The following KLHL23 variants were observed in gnomAD, a reference collection of about 807,000 sequenced individuals.
The protein encoded by KLHL23 is kelch-like protein 23.
Under a neutral mutation model 48.9 loss-of-function variants are expected in KLHL23, and 33 were observed. The ratio of observed to expected loss-of-function variants is 0.67; its 90% CI spans 0.51 to 0.90. The LOEUF (loss-of-function observed/expected upper bound fraction) is 0.90, where lower values mean the gene tolerates loss of function less well. Ranked by LOEUF, KLHL23 falls within the 40% of genes least tolerant of loss-of-function variation. The probability of loss-of-function intolerance (pLI) is 0.00; values close to 1 mark genes in which losing one functional copy is unlikely to be tolerated. For missense variants in KLHL23, 608 were observed against 669.6 expected, an observed-to-expected ratio of 0.91 and a Z score of 1.02; for synonymous variants, 234 against 231.6, an observed-to-expected ratio of 1.01 and a Z score of -0.09.
intron 3 of KLHL23, among the ~76,000 whole-genome samples, chr2:169,744,645 G>A (rs540466614): frequency 6.7e-5 from 10 of 149,178 alleles, no homozygotes; most frequent in African/African-American, 2.0e-4. Flanking sequence ...CGCAACATCC[G>A]CATCCCAGGT....
intron 2 of KLHL23, among the ~76,000 whole-genome samples, chr2:169,737,467 A>G (rs1233575697): frequency 1.3e-5 from 2 of 152,174 alleles, no homozygotes; most frequent in Non-Finnish European, 1.5e-5. Flanking sequence ...AGGGCTCTGA[A>G]TGTCCTGACC....
At chr2:169,737,603 ATTTCTT>A (rs199830677) in intron 2 of KLHL23, among the ~76,000 whole-genome samples, 4 of 149,888 alleles carry the variant, frequency 2.7e-5, no homozygotes, top group East Asian at 3.9e-4. Context: ...TTCAGAGTAT[ATTTCTT>A]TTTCTTTTTC....
intron 3 of KLHL23, among the ~76,000 whole-genome samples, chr2:169,742,949 C>T (rs1233529346): frequency 1.3e-5 from 2 of 152,144 alleles, no homozygotes; most frequent in Non-Finnish European, 2.9e-5. Context: ...AAAATAATTC[C>T]ATGAGCTAGG....
In KLHL23 at chr2:169,749,534, C is replaced by T. The variant is rs1160087997; in HGVS notation, c.1479C>T (p.Pro493=). 2 of 1,613,994 alleles carry T rather than the reference C, an allele frequency of 1.2e-6. No homozygotes were observed. The highest frequency in any genetic ancestry group is 8.5e-7 in the Non-Finnish European group (1 of 1,180,002). ...PEQNEWREIA[P]MMERRMECGA... is the part of the protein sequence containing the mutation. Reference sequence around the variant, plus strand: ...AAAATGAATGGAGAGAGATAGCTCCCATGATGGAAAGGAGGATGGAGTGCG... The same window carrying T: ...AAAATGAATGGAGAGAGATAGCTCCTATGATGGAAAGGAGGATGGAGTGCG... The change falls in exon 4 of 4, where the codon CCC becomes CCT. Residue 493 remains proline (P), a synonymous_variant. Coordinates refer to ENST00000392647, the MANE Select transcript of KLHL23 (RefSeq NM_144711.6).
intron 3 of KLHL23, 137 bp from the exon 4 acceptor site, chr2:169,749,285 G>A (rs1688881400): frequency 2.2e-6 from 2 of 914,500 alleles, no homozygotes; most frequent in South Asian, 3.8e-5. Flanking sequence ...GCAGTATTGT[G>A]TGCCTGAATC....
chr2:169,743,335 T>G (rs1319213072), intron 3 of KLHL23, among the ~76,000 whole-genome samples: 1 of 152,176 alleles, frequency 6.6e-6, no homozygotes, highest in Non-Finnish European at 1.5e-5. Context: ...CAGTGTCACT[T>G]TGGACTTAAT....
At chr2:169,743,938 A>G (rs1472880922) in intron 3 of KLHL23, among the ~76,000 whole-genome samples, 1 of 152,256 alleles carries the variant, frequency 6.6e-6, no homozygotes, top group Admixed American at 6.5e-5. Context: ...AGTTGACTTC[A>G]TAGAGATACA....
In KLHL23 at chr2:169,735,758, C is replaced by G. The variant is rs767778968; in HGVS notation, c.744C>G (p.Thr248=). Residue 248 remains threonine, a synonymous_variant, in exon 2 of 4, where the codon ACC becomes ACG. Transcript: ENST00000392647. This position sits in a 1 kb window ranked among gnomAD's most constrained non-coding sequence, Gnocchi z 4.5. ...ALGLQRSCLL[T]ENKIRSLIYN... is the part of the protein sequence containing the mutation. ...GCCTTCAAAGAAGCTGCCTGCTCAC[C>G]GAAAATAAGATCCGCTCCCTAATAT... 2.5e-6 allele frequency: 4 copies of G among 1,613,866 alleles called. No individual in the cohort carries two copies. Among genetic ancestry groups the G allele is most frequent in the East Asian group, 2.2e-5 (1 of 44,886 alleles).
chr2:169,750,185 C>T lies in KLHL23; in HGVS notation c.*453C>T, dbSNP rs569452419. On this transcript the variant is annotated 3_prime_UTR_variant, in exon 4 of 4. Transcript: ENST00000392647. ...ACAGTTGAATCAGTGGGATTAATAC[C>T]TATAATCTCTGGTTTTCAAAGGTAA... 1.3e-5 allele frequency: 2 copies of T among 151,922 alleles called. No individual in the cohort carries two copies. Among genetic ancestry groups the T allele is most frequent in the East Asian group, 3.9e-4 (2 of 5,106 alleles). 9.4% of individuals were successfully genotyped at this position (151,922 alleles called of 1,614,324 possible). A position where few individuals can be genotyped will look rare whatever the true frequency, so the allele number is the denominator to read the frequency against.
intron 3 of KLHL23, among the ~76,000 whole-genome samples, chr2:169,742,107 C>T (rs117981906): frequency 0.01 from 1,533 of 152,326 alleles, 29 homozygotes; most frequent in East Asian, 0.085. Context: ...TGTTCTTTGA[C>T]TTGTGTCTTT....
In KLHL23 at chr2:169,738,294, G is replaced by A. The variant is rs979739146; in HGVS notation, c.1213+2067G>A. Among the ~76,000 whole-genome samples the A allele has an allele frequency of 2.0e-4, 19 of 96,748 alleles. 2 individuals carry two copies. In the South Asian group the frequency reaches 4.2e-3, roughly 21 times the overall value. 63.5% of individuals were successfully genotyped at this position (96,748 alleles called of 152,430 possible). On this transcript the variant is annotated intron_variant, in intron 2 of 3. Coordinates refer to ENST00000392647, the MANE Select transcript of KLHL23 (RefSeq NM_144711.6). ...TTTAATTTTTAAAACTAGAAATGGC[G>A]GGGGGTCTCACTATGTTGCCCAGGC...
At chr2:169,747,464 C>CT (rs145417361) in intron 3 of KLHL23, among the ~76,000 whole-genome samples, 122 of 125,242 alleles carry the variant, frequency 9.7e-4, no homozygotes, top group African/African-American at 2.7e-3. Context: ...GAGGAAATCA[C>CT]TTTTTTTTTT....
In KLHL23 at chr2:169,740,766, T is replaced by TAATATATATATATATATATATATATATA. The variant is rs1553477017; in HGVS notation, c.1214-619_1214-618insAATATATATATATATATATATATATATA. ...CCCGGCCTCTATAAGCTTTTTTATA[T>TAATATATATATATATATATATATATATA]TATATATATATATATATATATATAT... is the stretch of plus-strand genomic sequence containing the variant. On this transcript the variant is annotated intron_variant, in intron 2 of 3. Coordinates refer to ENST00000392647, the MANE Select transcript of KLHL23 (RefSeq NM_144711.6). Among the ~76,000 whole-genome samples the TAATATATATATATATATATATATATATA allele has an allele frequency of 3.0e-3, 382 of 125,348 alleles. 9 individuals carry two copies. The highest frequency in any genetic ancestry group is 0.016 in the Middle Eastern group (4 of 256). The allele number at this position is 125,348 out of a possible 152,430, so 82.2% of individuals were successfully genotyped here.
intron 3 of KLHL23, among the ~76,000 whole-genome samples, chr2:169,744,301 T>C (rs1482240832): frequency 2.0e-5 from 3 of 152,206 alleles, no homozygotes; most frequent in Non-Finnish European, 2.9e-5. Flanking sequence ...AATCTGACTA[T>C]CTTAGAATGC....
At chr2:169,748,346 G>A (rs949130650) in intron 3 of KLHL23, among the ~76,000 whole-genome samples, 11 of 152,214 alleles carry the variant, frequency 7.2e-5, no homozygotes, top group African/African-American at 2.7e-4. Flanking sequence ...GAACAGCTCA[G>A]CGATAGTGCG....
Position 169,751,055 on chromosome 2 carries a change from A to G in KLHL23, c.*1323A>G, listed in dbSNP as rs980365613. 2.0e-5 allele frequency: 3 copies of G among 152,216 alleles called. No homozygotes were observed. The highest frequency in any genetic ancestry group is 1.3e-4 in the Admixed American group (2 of 15,282). 9.4% of individuals were successfully genotyped at this position (152,216 alleles called of 1,614,324 possible). A position where few individuals can be genotyped will look rare whatever the true frequency, so the allele number is the denominator to read the frequency against. ...AGCTTCCTGAGCCATGCACACTGGC[A>G]CTGCAAATCACAGACAGGCCTAGAT... On this transcript the variant is annotated 3_prime_UTR_variant, in exon 4 of 4. Transcript: ENST00000392647.
rs919484885 is a variant in KLHL23, at chr2:169,735,837, A to G, written c.823A>G (p.Met275Val). 3 of 1,614,028 alleles carry G rather than the reference A, an allele frequency of 1.9e-6. No homozygotes were observed. Among genetic ancestry groups the G allele is most frequent in the Admixed American group, 1.7e-5 (1 of 60,000 alleles). Reference sequence around the variant, plus strand: ...GATTTCCCAGAGGTCCACAGCCACAATGTATATAATTGGAGGCTATTACTG... The same window carrying G: ...GATTTCCCAGAGGTCCACAGCCACAGTGTATATAATTGGAGGCTATTACTG... ...KEISQRSTAT[M>V]YIIGGYYWHP... The change falls in exon 2 of 4, where the codon ATG (methionine) becomes GTG (valine). Residue 275 changes from methionine (M) to valine (V), a missense_variant. Coordinates refer to ENST00000392647, the MANE Select transcript of KLHL23 (RefSeq NM_144711.6). The surrounding 1 kb of genome is among the most constrained non-coding windows in gnomAD (Gnocchi z 4.5).
chr2:169,736,694 C>T (rs1416622689), intron 2 of KLHL23, among the ~76,000 whole-genome samples: 1 of 152,054 alleles, frequency 6.6e-6, no homozygotes, highest in Non-Finnish European at 1.5e-5. Context: ...CCTCATGTGG[C>T]CCACAGAACC....
intron 3 of KLHL23, among the ~76,000 whole-genome samples, chr2:169,749,217 A>G (rs1688879485): frequency 6.6e-6 from 1 of 152,190 alleles, no homozygotes; most frequent in Non-Finnish European, 1.5e-5. Flanking sequence ...TAATGGCAGC[A>G]TGGCAGGAAC....
Sources: gnomAD v4.1 joint callset for allele counts (sites outside exome capture counted in the v4.1 genomes callset) on GRCh38, gnomAD v4.1.1 for gene constraint, Gnocchi (gnomAD v3.1) non-coding constraint, MANE v1.5 for transcripts, NCBI Gene and HGNC (gene_info 2026-07-23, HGNC 2026-07-21) for gene names.